The following GRXCR1 variants were observed in gnomAD, a reference collection of about 807,000 sequenced individuals.
GRXCR1 encodes the protein glutaredoxin domain-containing cysteine-rich protein 1.
GRXCR1 carries 27 observed loss-of-function variants against 27.3 expected under a neutral mutation model. The observed-to-expected ratio is 0.99, with a 90% CI of 0.73 to 1.37. GRXCR1 has a LOEUF of 1.37. Among genes scored for constraint, GRXCR1 ranks in the 40% most tolerant of loss-of-function variants. GRXCR1 has a pLI of 0.00. For missense variants in GRXCR1, 379 were observed against 354.4 expected (o/e 1.07, Z -0.56); for synonymous variants, 122 against 131.1 (o/e 0.93, Z 0.47).
At chr4:43,019,027 G>C (rs1006913088) in intron 2 of GRXCR1, among the ~76,000 whole-genome samples, 2 of 152,078 alleles carry the variant, frequency 1.3e-5, no homozygotes, top group Admixed American at 6.6e-5. Flanking sequence ...GATGACATAG[G>C]TTATACAAGA....
At chr4:42,952,639 A>G (rs1747911822) in intron 1 of GRXCR1, among the ~76,000 whole-genome samples, 1 of 152,156 alleles carries the variant, frequency 6.6e-6, no homozygotes, top group South Asian at 2.1e-4. Context: ...GATAAATTAG[A>G]AAATTAAATT....
At chr4:43,030,239 T>G (rs2109812338) in intron 3 of GRXCR1, 122 bp from the exon 4 acceptor site, 1 of 824,082 alleles carries the variant, frequency 1.2e-6, no homozygotes, top group African/African-American at 1.7e-5. Flanking sequence ...TTCAAGTGTA[T>G]AGCCATATTA....
intron 2 of GRXCR1, among the ~76,000 whole-genome samples, chr4:42,994,872 C>G (rs945450138): frequency 1.3e-5 from 2 of 151,938 alleles, no homozygotes; most frequent in Non-Finnish European, 2.9e-5. Context: ...ATTTTATTTT[C>G]TTTAATTTTT....
At chr4:42,920,835 T>C (rs1746992079) in intron 1 of GRXCR1, among the ~76,000 whole-genome samples, 1 of 152,168 alleles carries the variant, frequency 6.6e-6, no homozygotes, top group Admixed American at 6.6e-5. Flanking sequence ...CCCTTAATAG[T>C]TCTTCCCTCT....
chr4:42,995,245 A>T (rs1305095189), intron 2 of GRXCR1, among the ~76,000 whole-genome samples: 1 of 152,180 alleles, frequency 6.6e-6, no homozygotes, highest in Non-Finnish European at 1.5e-5. Flanking sequence ...GTTACTAAGA[A>T]AAAAATCCTA....
chr4:43,003,882 A>G (rs1712466786), intron 2 of GRXCR1, among the ~76,000 whole-genome samples: 1 of 152,236 alleles, frequency 6.6e-6, no homozygotes, highest in East Asian at 1.9e-4. Context: ...AAAGAAGAAA[A>G]CATTTTCTGG....
chr4:42,956,196 C>A (rs983613733), intron 1 of GRXCR1, among the ~76,000 whole-genome samples: 1 of 152,054 alleles, frequency 6.6e-6, no homozygotes, highest in African/African-American at 2.4e-5. Context: ...TAAGATTCAT[C>A]TTTTTAATAA....
chr4:43,005,863 G>T lies in GRXCR1; in HGVS notation c.628-14491G>T, dbSNP rs568747919. The stretch of plus-strand genomic sequence containing the variant: ...GTTTATGAGAAATGACTATGAATCT[G>T]GTCCCATGCTAGGCACCAGTTATAC... On this transcript the variant is annotated intron_variant, in intron 2 of 3. Coordinates refer to ENST00000399770, the MANE Select transcript of GRXCR1 (RefSeq NM_001080476.3). Among the ~76,000 whole-genome samples, 26 of 152,262 alleles carry T rather than the reference G, an allele frequency of 1.7e-4. No homozygotes were observed. In the South Asian group the frequency reaches 4.6e-3, roughly 27 times the overall value.
intron 1 of GRXCR1, among the ~76,000 whole-genome samples, chr4:42,960,019 C>T (rs1748096000): frequency 1.3e-5 from 2 of 152,036 alleles, no homozygotes; most frequent in African/African-American, 4.8e-5. Flanking sequence ...TAGATGACAT[C>T]CAACGTGGCT....
Position 43,026,899 on chromosome 4 carries a change from A to G in GRXCR1, c.694-3462A>G, listed in dbSNP as rs543608517. On this transcript the variant is annotated intron_variant, in intron 3 of 3. Transcript: ENST00000399770. ...TGGCTGAAATAGCTAATTTTTCCTGAGAATGGAAGTAGCCCGAGAATCTTT... is the reference window on the plus strand; with the variant it reads ...TGGCTGAAATAGCTAATTTTTCCTGGGAATGGAAGTAGCCCGAGAATCTTT... Among the ~76,000 whole-genome samples the G allele has an allele frequency of 2.0e-4, 30 of 152,304 alleles. 3 individuals are homozygous for G. Among genetic ancestry groups the G allele is most frequent in the South Asian group, 1.7e-3 (8 of 4,824 alleles).
At chr4:42,984,091 C>G (rs1398132915) in intron 2 of GRXCR1, among the ~76,000 whole-genome samples, 1 of 152,202 alleles carries the variant, frequency 6.6e-6, no homozygotes, top group Non-Finnish European at 1.5e-5. Context: ...CTGTCTCAGT[C>G]TCCCAAAGTG....
At chr4:42,960,520 T>C (rs746127905) in intron 1 of GRXCR1, among the ~76,000 whole-genome samples, 9 of 151,916 alleles carry the variant, frequency 5.9e-5, no homozygotes, top group Non-Finnish European at 1.3e-4. Context: ...TGTCATCAAT[T>C]ACACTGATTT....
intron 1 of GRXCR1, among the ~76,000 whole-genome samples, chr4:42,947,537 T>C (rs775440013): frequency 2.0e-5 from 3 of 152,168 alleles, no homozygotes; most frequent in Non-Finnish European, 2.9e-5. Flanking sequence ...CCAATATTGA[T>C]TGGGTTACTG....
chr4:42,949,917 A>G (rs1747841430), intron 1 of GRXCR1, among the ~76,000 whole-genome samples: 1 of 152,194 alleles, frequency 6.6e-6, no homozygotes. Context: ...AGGGACTGAA[A>G]TAACTTCTCT....
intron 1 of GRXCR1, among the ~76,000 whole-genome samples, chr4:42,912,228 A>C (rs1019261651): frequency 3.1e-4 from 47 of 152,168 alleles, no homozygotes; most frequent in African/African-American, 1.1e-3. Flanking sequence ...TAAATGTGTA[A>C]GATGCATTGA....
intron 2 of GRXCR1, among the ~76,000 whole-genome samples, chr4:42,978,682 C>T (rs1410653117): frequency 6.6e-6 from 1 of 151,756 alleles, no homozygotes; most frequent in Non-Finnish European, 1.5e-5. Context: ...TTTTTTGGTG[C>T]TAACATATTT....
intron 1 of GRXCR1, among the ~76,000 whole-genome samples, chr4:42,957,230 G>A (rs1001282285): frequency 1.3e-5 from 2 of 151,956 alleles, no homozygotes; most frequent in African/African-American, 4.8e-5. Flanking sequence ...CACGCACTAT[G>A]CTTTCCTAAT....
intron 2 of GRXCR1, among the ~76,000 whole-genome samples, chr4:43,013,857 G>A (rs1038470505): frequency 6.6e-5 from 10 of 152,062 alleles, no homozygotes; most frequent in Non-Finnish European, 1.5e-4. Flanking sequence ...TTCTGCCATA[G>A]AGAAGCAAAT....
At chr4:43,009,011 T>C (rs1267608499) in intron 2 of GRXCR1, among the ~76,000 whole-genome samples, 1 of 152,206 alleles carries the variant, frequency 6.6e-6, no homozygotes, top group East Asian at 1.9e-4. Context: ...CATTGTCCTA[T>C]CCATGGAAAT....
Sources: gnomAD v4.1 joint callset for allele counts (sites outside exome capture counted in the v4.1 genomes callset) on GRCh38, gnomAD v4.1.1 for gene constraint, MANE v1.5 for transcripts, NCBI Gene and HGNC (gene_info 2026-07-23, HGNC 2026-07-21) for gene names.